Variants in TTLL1 observed in about 807,000 individuals in gnomAD.
TTLL1 encodes the protein polyglutamylase complex subunit TTLL1.
In TTLL1, 33 loss-of-function variants were observed where a neutral mutation model predicts 47.8. That is an observed-to-expected ratio of 0.69 (90% CI 0.52 to 0.92). The LOEUF (loss-of-function observed/expected upper bound fraction) is 0.92. Ranked by LOEUF, TTLL1 falls within the 40% of genes least tolerant of loss-of-function variation. The pLI, the probability that TTLL1 is intolerant of heterozygous loss-of-function variation, is 0.00. For missense variants in TTLL1, 488 were observed against 547.5 expected (o/e 0.89, Z 1.08); for synonymous variants, 225 against 214.1 (o/e 1.05, Z -0.45).
chr22:43,046,626 T>A (rs1448963627), intron 9 of TTLL1, 53 bp from the exon 10 acceptor site: 1 of 1,595,244 alleles, frequency 6.3e-7, no homozygotes, highest in Non-Finnish European at 8.6e-7. Context: ...TCTTTTGGAA[T>A]GAAAATGTGC....
chr22:43,070,489 G>A (rs1039030802), intron 3 of TTLL1, among the ~76,000 whole-genome samples: 5 of 152,142 alleles, frequency 3.3e-5, no homozygotes, highest in African/African-American at 1.2e-4. Flanking sequence ...AACATGGCAA[G>A]TGGCCCCAGC....
chr22:43,051,664 C>A, intron 9 of TTLL1, 137 bp downstream of exon 9: 1 of 826,126 alleles, frequency 1.2e-6, no homozygotes, highest in South Asian at 1.5e-5. Flanking sequence ...AGCAAACAAT[C>A]AAACTCGAAC....
intron 3 of TTLL1, chr22:43,070,375 A>G (rs1928037003): frequency 2.3e-6 from 1 of 425,738 alleles, no homozygotes; most frequent in Non-Finnish European, 4.5e-6. Flanking sequence ...AGCCTCTGAG[A>G]AAGCCACGGT....
In TTLL1 at chr22:43,087,523, C is replaced by CA. The variant is rs888525930; in HGVS notation, c.-90+1753dup. ...CGGGCAACAGAGTGAGACTCCATCT[C>CA]AAAAAAAAAAAAAAAAAGAAATACA... is the stretch of plus-strand genomic sequence containing the variant. On this transcript the variant is annotated intron_variant, in intron 1 of 10. Transcript: ENST00000266254. Among the ~76,000 whole-genome samples the CA allele has an allele frequency of 8.0e-3, 666 of 83,494 alleles. 4 individuals are homozygous for CA. The highest frequency in any genetic ancestry group is 0.024 in the South Asian group (69 of 2,818). The allele number at this position is 83,494 out of a possible 152,430, so 54.8% of individuals were successfully genotyped here.
At chr22:43,054,795 G>A (rs1217226726) in intron 8 of TTLL1, among the ~76,000 whole-genome samples, 5 of 139,614 alleles carry the variant, frequency 3.6e-5, no homozygotes, top group Non-Finnish European at 6.0e-5. Context: ...GCGCAATCTC[G>A]GCTCACTGCA....
At chr22:43,074,427 C>CAAAAAAAAAA (rs61701643) in intron 3 of TTLL1, among the ~76,000 whole-genome samples, 1 of 85,732 alleles carries the variant, frequency 1.2e-5, no homozygotes, top group Non-Finnish European at 2.6e-5. Flanking sequence ...AATTTCGTCT[C>CAAAAAAAAAA]AAAAAAAAAA....
intron 2 of TTLL1, among the ~76,000 whole-genome samples, chr22:43,079,112 C>T (rs1347161404): frequency 3.9e-5 from 5 of 126,932 alleles, no homozygotes; most frequent in Non-Finnish European, 5.0e-5. Flanking sequence ...ACCCCTCACA[C>T]CCGCAGACAC....
intron 1 of TTLL1, among the ~76,000 whole-genome samples, chr22:43,083,017 A>G (rs1928996770): frequency 1.2e-5 from 1 of 84,878 alleles, no homozygotes; most frequent in Non-Finnish European, 3.1e-5. Context: ...TCTGTCTCAA[A>G]AATAATAAAA....
intron 3 of TTLL1, among the ~76,000 whole-genome samples, chr22:43,072,443 C>A (rs563940880): frequency 1.9e-4 from 29 of 151,150 alleles, no homozygotes; most frequent in Non-Finnish European, 7.4e-5. Context: ...CGTGAGCCAC[C>A]GCGCCTGGCC....
Position 43,039,652 on chromosome 22 carries a change from A to G in TTLL1, c.*124T>C. 1 of 1,261,942 alleles carries G rather than the reference A, an allele frequency of 7.9e-7. No homozygotes were observed. The highest frequency in any genetic ancestry group is 2.8e-5 in the Admixed American group (1 of 36,182). 78.2% of individuals were successfully genotyped at this position (1,261,942 alleles called of 1,614,324 possible). On this transcript the variant is annotated 3_prime_UTR_variant, in exon 11 of 11. Transcript: ENST00000266254. ...AAACAGACTCCATAACCTTCCAAAG[A>G]AGTGCCTTCGTTTATTTACAGGGCT...
chr22:43,046,642 A>C, intron 9 of TTLL1, 69 bp from the exon 10 acceptor site: 1 of 1,551,302 alleles, frequency 6.4e-7, no homozygotes, highest in Non-Finnish European at 8.9e-7. Context: ...TGTGCACTGC[A>C]GAAGGAGATG....
chr22:43,074,913 G>C (rs5996269), intron 3 of TTLL1, among the ~76,000 whole-genome samples: 98,045 of 151,596 alleles, frequency 0.65, 32,615 homozygotes, highest in East Asian at 0.79. Context: ...GCTTGGCTTA[G>C]ACCTGTAATC....
chr22:43,077,832 C>T (rs1316200023), intron 2 of TTLL1, among the ~76,000 whole-genome samples: 1 of 152,184 alleles, frequency 6.6e-6, no homozygotes, highest in Non-Finnish European at 1.5e-5. Context: ...TCTGGCCGGG[C>T]GCGGTGGCTC....
chr22:43,059,543 C>A lies in TTLL1; in HGVS notation c.748-16G>T, dbSNP rs149518572. The A allele has an allele frequency of 2.5e-6, 4 of 1,607,604 alleles. No individual in the cohort carries two copies. The highest frequency in any genetic ancestry group is 2.5e-6 in the Non-Finnish European group (3 of 1,176,948). On this transcript the variant is annotated splice_polypyrimidine_tract_variant and intron_variant, in intron 7 of 10. Transcript: ENST00000266254. ...TGTAGTCCTCCTGGTGACGGGAAAG[C>A]GGGCAGGCATCCCTCAGGCTATGCA...
chr22:43,055,112 C>G (rs557278421), intron 8 of TTLL1, among the ~76,000 whole-genome samples: 2 of 151,774 alleles, frequency 1.3e-5, no homozygotes, highest in South Asian at 4.2e-4. Flanking sequence ...CAACCTCTAC[C>G]TCCCGGGTTC....
Position 43,046,552 on chromosome 22 carries a change from T to C in TTLL1, c.1000A>G (p.Thr334Ala), listed in dbSNP as rs1555957033. Residue 334 changes from threonine to alanine, a missense_variant, in exon 10 of 11, where the codon ACG (threonine) becomes GCG (alanine). Thr to Ala is a moderately conservative substitution (Grantham distance 58, BLOSUM62 0). Coordinates refer to ENST00000266254, the MANE Select transcript of TTLL1 (RefSeq NM_012263.5). ...ATTCGGTCATTGGCAGTGCTGGACG[T>C]GAGAGACGGGGACGCATTCACCTGT... is the stretch of plus-strand genomic sequence containing the variant. The part of the protein sequence containing the change: ...LIEVNASPSL[T>A]SSTANDRILK... The C allele has an allele frequency of 5.6e-6, 9 of 1,614,132 alleles. No homozygotes were observed. Among genetic ancestry groups the C allele is most frequent in the Non-Finnish European group, 6.8e-6 (8 of 1,180,014 alleles).
Position 43,059,526 on chromosome 22 carries a change from T to G in TTLL1, c.749A>C (p.Glu250Ala). 7 of 1,611,922 alleles carry G rather than the reference T, an allele frequency of 4.3e-6. No homozygotes were observed. The highest frequency in any genetic ancestry group is 5.1e-6 in the Non-Finnish European group (6 of 1,178,954). The change falls in exon 8 of 11, where the codon GAG becomes GCG. Residue 250 changes from glutamate (E) to alanine (A), a missense_variant and splice_region_variant. Transcript: ENST00000266254. ...GCCCCCATGGATGTGGTTGTAGTCC[T>G]CCTGGTGACGGGAAAGCGGGCAGGC... ...LTNVAIQKHGEDYNHIHGGKW... is the reference protein window; with the variant it reads ...LTNVAIQKHGADYNHIHGGKW...
chr22:43,087,169 C>T (rs770202658), intron 1 of TTLL1, among the ~76,000 whole-genome samples: 3 of 152,198 alleles, frequency 2.0e-5, no homozygotes, highest in African/African-American at 4.8e-5. Flanking sequence ...ACCACATTGT[C>T]ACTTTATTTT....
rs1389162310 is a variant in TTLL1, at chr22:43,064,204, T to C, written c.624A>G (p.Pro208=). 5 of 1,612,464 alleles carry C rather than the reference T, an allele frequency of 3.1e-6. No individual in the cohort carries two copies. The highest frequency in any genetic ancestry group is 3.4e-5 in the Admixed American group (2 of 59,572). ...RLYVLVSTYR[P]LRCYMYKLGF... is the part of the protein sequence containing the mutation. ...GGGACGCTTACATGTAACAGCGCAG[T>C]GGACGGTACGTGGACACCAGAACGT... Residue 208 remains proline (P), a synonymous_variant, in exon 6 of 11, where the codon CCA becomes CCG. Coordinates refer to ENST00000266254, the MANE Select transcript of TTLL1 (RefSeq NM_012263.5).
Sources: gnomAD v4.1 joint callset for allele counts (sites outside exome capture counted in the v4.1 genomes callset) on GRCh38, gnomAD v4.1.1 for gene constraint, MANE v1.5 for transcripts, NCBI Gene and HGNC (gene_info 2026-07-23, HGNC 2026-07-21) for gene names.